Variants in CLSTN2 observed in about 807,000 individuals in gnomAD.
CLSTN2 encodes calsyntenin 2.
Under a neutral mutation model 101.2 loss-of-function variants are expected in CLSTN2, and 48 were observed. The ratio of observed to expected loss-of-function variants is 0.47; its 90% CI spans 0.38 to 0.60. The LOEUF (loss-of-function observed/expected upper bound fraction) is 0.60. Ranked by LOEUF, CLSTN2 falls within the 20% of genes least tolerant of loss-of-function variation. The probability of loss-of-function intolerance (pLI) is 0.00; values close to 1 mark genes in which losing one functional copy is unlikely to be tolerated. For missense variants in CLSTN2, 1,160 were observed against 1,238.2 expected, an observed-to-expected ratio of 0.94 and a Z score of 0.95; for synonymous variants, 481 against 463.6, an observed-to-expected ratio of 1.04 and a Z score of -0.48.
At chr3:140,353,393 GC>G (rs1411008531) in intron 2 of CLSTN2, among the ~76,000 whole-genome samples, 4 of 152,116 alleles carry the variant, frequency 2.6e-5, no homozygotes, top group Non-Finnish European at 1.5e-5. Context: ...AGGGCGTGAA[GC>G]ATCCAGCATG....
At chr3:140,206,858 A>G (rs1217668791) in intron 2 of CLSTN2, among the ~76,000 whole-genome samples, 1 of 152,156 alleles carries the variant, frequency 6.6e-6, no homozygotes. Context: ...CCCAGTAGCC[A>G]ATAGACATCT....
intron 2 of CLSTN2, among the ~76,000 whole-genome samples, chr3:140,308,884 C>T (rs2087138573): frequency 6.6e-6 from 1 of 152,194 alleles, no homozygotes; most frequent in African/African-American, 2.4e-5. Context: ...TAATGGAAAT[C>T]CAAGGGCAAA....
At chr3:140,550,174 C>A (rs1935677001) in intron 10 of CLSTN2, among the ~76,000 whole-genome samples, 2 of 151,634 alleles carry the variant, frequency 1.3e-5, no homozygotes, top group African/African-American at 4.9e-5. Context: ...ATATCAGAGC[C>A]CACCTATTAA....
intron 5 of CLSTN2, among the ~76,000 whole-genome samples, chr3:140,427,966 G>A (rs1036475628): frequency 1.3e-5 from 2 of 152,138 alleles, no homozygotes; most frequent in Non-Finnish European, 2.9e-5. Context: ...AGAAGGACCT[G>A]CATCCCTTTG....
intron 1 of CLSTN2, among the ~76,000 whole-genome samples, chr3:139,993,112 G>C (rs546759667): frequency 1.3e-5 from 2 of 152,122 alleles, no homozygotes; most frequent in African/African-American, 2.4e-5. Context: ...ATGGGAGGGG[G>C]CGGTCAGTCA....
intron 6 of CLSTN2, among the ~76,000 whole-genome samples, chr3:140,453,786 TGGA>T (rs1054374802): frequency 6.6e-6 from 1 of 152,232 alleles, no homozygotes; most frequent in Non-Finnish European, 1.5e-5. Context: ...TTCAATCTTC[TGGA>T]GAAGACAGAC....
intron 1 of CLSTN2, among the ~76,000 whole-genome samples, chr3:140,060,594 T>C (rs1301309975): frequency 6.6e-6 from 1 of 152,124 alleles, no homozygotes; most frequent in East Asian, 1.9e-4. Context: ...GAAGGATGAT[T>C]GTCATCAGAG....
At chr3:140,015,595 G>C (rs2007183611) in intron 1 of CLSTN2, among the ~76,000 whole-genome samples, 1 of 152,212 alleles carries the variant, frequency 6.6e-6, no homozygotes, top group Admixed American at 6.5e-5. Context: ...ACAGAAGAAT[G>C]GGATTTCTGT....
At chr3:140,544,300 C>T (rs1470361394) in intron 9 of CLSTN2, among the ~76,000 whole-genome samples, 1 of 152,186 alleles carries the variant, frequency 6.6e-6, no homozygotes, top group Non-Finnish European at 1.5e-5. Context: ...TGATACCTGC[C>T]ATCCAGGAGA....
intron 6 of CLSTN2, among the ~76,000 whole-genome samples, chr3:140,456,045 T>G (rs753728999): frequency 6.6e-6 from 1 of 152,162 alleles, no homozygotes; most frequent in Non-Finnish European, 1.5e-5. Context: ...CCCATGTGAC[T>G]AGGCTGTGCT....
intron 1 of CLSTN2, among the ~76,000 whole-genome samples, chr3:139,965,741 G>T (rs894998739): frequency 6.6e-6 from 1 of 152,182 alleles, no homozygotes; most frequent in African/African-American, 2.4e-5. Context: ...CCTCCTTCTT[G>T]CAGGGGCCCA....
intron 1 of CLSTN2, among the ~76,000 whole-genome samples, chr3:140,158,066 A>G (rs760365493): frequency 2.0e-5 from 3 of 152,176 alleles, no homozygotes; most frequent in Non-Finnish European, 4.4e-5. Flanking sequence ...CAAAACAATA[A>G]GGGCCGTCTA....
chr3:140,556,672 G>C lies in CLSTN2; in HGVS notation c.1823+11G>C. On this transcript the variant is annotated intron_variant, in intron 11 of 16. Coordinates refer to ENST00000458420, the MANE Select transcript of CLSTN2 (RefSeq NM_022131.3). ...ATCCTCCAAAGTCCAGTGAGTGGAC[G>C]CTGGTCAGCCTGGGGCCAACTGAGG... The C allele has an allele frequency of 6.2e-7, 1 of 1,613,234 alleles. No individual in the cohort carries two copies. Among genetic ancestry groups the C allele is most frequent in the Middle Eastern group, 1.7e-4 (1 of 6,028 alleles).
At chr3:140,411,409 G>C (rs371926269) in intron 4 of CLSTN2, among the ~76,000 whole-genome samples, 1 of 152,222 alleles carries the variant, frequency 6.6e-6, no homozygotes, top group African/African-American at 2.4e-5. Flanking sequence ...CCCAACGCTA[G>C]AGCGTGTAAA....
intron 1 of CLSTN2, among the ~76,000 whole-genome samples, chr3:140,038,310 T>C (rs529928370): frequency 2.6e-5 from 4 of 152,138 alleles, no homozygotes; most frequent in African/African-American, 9.6e-5. Flanking sequence ...GATGTTGAGC[T>C]TTTTTTTATA....
intron 2 of CLSTN2, among the ~76,000 whole-genome samples, chr3:140,205,139 CA>C (rs2010764285): frequency 1.3e-5 from 2 of 152,162 alleles, no homozygotes. Context: ...TTGAGGAAAT[CA>C]AAAGTCAGAT....
intron 1 of CLSTN2, among the ~76,000 whole-genome samples, chr3:140,016,793 GAAAAAAAAAA>G (rs56040791): frequency 4.5e-5 from 4 of 89,284 alleles, no homozygotes; most frequent in Non-Finnish European, 8.0e-5. Flanking sequence ...GTGAGACTCT[GAAAAAAAAAA>G]AAAAAAAAAA....
chr3:140,511,401 G>T (rs1377702221), intron 8 of CLSTN2, among the ~76,000 whole-genome samples: 2 of 152,016 alleles, frequency 1.3e-5, no homozygotes, highest in African/African-American at 4.8e-5. Flanking sequence ...AAATTGCTGG[G>T]TCAAATGGTA....
rs146563198 is a variant in CLSTN2, at chr3:140,526,550, A to T, written c.1345-5774A>T. Among the ~76,000 whole-genome samples the T allele has an allele frequency of 4.0e-5, 6 of 151,860 alleles. No individual in the cohort carries two copies. The East Asian group carries it at 1.2e-3, about 30-fold the overall frequency. ...AAATACCAATGTCATTTTTTACAGA[A>T]TTAGAAAAATCTACTCATAAATTTA... On this transcript the variant is annotated intron_variant, in intron 8 of 16. Coordinates refer to ENST00000458420, the MANE Select transcript of CLSTN2 (RefSeq NM_022131.3).
Sources: gnomAD v4.1 joint callset for allele counts (sites outside exome capture counted in the v4.1 genomes callset) on GRCh38, gnomAD v4.1.1 for gene constraint, MANE v1.5 for transcripts, NCBI Gene and HGNC (gene_info 2026-07-23, HGNC 2026-07-21) for gene names.